The following ANAPC10 variants were observed in gnomAD, a reference collection of about 807,000 sequenced individuals.
ANAPC10 encodes the protein anaphase promoting complex subunit 10.
A neutral mutation model predicts 22.0 loss-of-function variants in ANAPC10; 12 were observed. That is an observed-to-expected ratio of 0.55 (90% CI 0.35 to 0.88). The LOEUF (loss-of-function observed/expected upper bound fraction) is 0.88. Ranked by LOEUF, ANAPC10 falls within the 40% of genes least tolerant of loss-of-function variation. The probability of loss-of-function intolerance (pLI) is 0.01; values close to 1 mark genes in which losing one functional copy is unlikely to be tolerated. For missense variants in ANAPC10, 188 were observed against 220.9 expected (o/e 0.85, Z 0.94); for synonymous variants, 65 against 69.5 (o/e 0.94, Z 0.32).
chr4:145,076,630 A>G (rs1430083604), intron 3 of ANAPC10, among the ~76,000 whole-genome samples: 1 of 152,220 alleles, frequency 6.6e-6, no homozygotes, highest in African/African-American at 2.4e-5. Flanking sequence ...TTTGGAATTC[A>G]GAATTCAGAA....
intron 4 of ANAPC10, among the ~76,000 whole-genome samples, chr4:145,011,285 C>A (rs1734260914): frequency 6.6e-6 from 1 of 150,826 alleles, no homozygotes; most frequent in South Asian, 2.1e-4. Flanking sequence ...TGCAGTAAGC[C>A]AAGATTGCGC....
chr4:145,009,121 C>T (rs886680920), intron 4 of ANAPC10, among the ~76,000 whole-genome samples: 3 of 152,108 alleles, frequency 2.0e-5, no homozygotes, highest in African/African-American at 7.3e-5. Flanking sequence ...AGGAATACAA[C>T]TTACAAGGGA....
At chr4:145,074,420 A>G (rs543450824) in intron 3 of ANAPC10, among the ~76,000 whole-genome samples, 25 of 152,228 alleles carry the variant, frequency 1.6e-4, no homozygotes, top group African/African-American at 5.8e-4. Flanking sequence ...AGTTTTCTGC[A>G]TGGCTGATAG....
At chr4:145,047,598 C>T (rs1185368909) in intron 4 of ANAPC10, among the ~76,000 whole-genome samples, 3 of 152,100 alleles carry the variant, frequency 2.0e-5, no homozygotes, top group African/African-American at 7.2e-5. Context: ...TTCTCAAAGT[C>T]AGGAACACTT....
intron 4 of ANAPC10, among the ~76,000 whole-genome samples, chr4:145,062,602 G>A (rs545384799): frequency 1.1e-4 from 16 of 151,568 alleles, no homozygotes; most frequent in Non-Finnish European, 1.8e-4. Context: ...GTAAGACTCC[G>A]TCTCCAAAGA....
intron 2 of ANAPC10, among the ~76,000 whole-genome samples, chr4:145,091,533 A>T (rs1159550342): frequency 6.6e-6 from 1 of 152,086 alleles, no homozygotes; most frequent in African/African-American, 2.4e-5. Flanking sequence ...AAACGGGGGG[A>T]GGGGGAAATC....
At chr4:145,060,535 A>C (rs569423573) in intron 4 of ANAPC10, among the ~76,000 whole-genome samples, 3 of 152,174 alleles carry the variant, frequency 2.0e-5, no homozygotes, top group African/African-American at 7.2e-5. Context: ...CAACAATTAC[A>C]AAAAATAAGC....
At chr4:145,025,144 C>A (rs1041423714) in intron 4 of ANAPC10, among the ~76,000 whole-genome samples, 1 of 152,190 alleles carries the variant, frequency 6.6e-6, no homozygotes, top group Non-Finnish European at 1.5e-5. Flanking sequence ...GTGGATTAGG[C>A]TTTGACTTAA....
Position 145,025,644 on chromosome 4 carries a change from G to A in ANAPC10, c.328-30041C>T, listed in dbSNP as rs146491466. 7.9e-4 allele frequency among the ~76,000 whole-genome samples: 120 copies of A among 152,218 alleles called. 1 individual carries two copies. The highest frequency in any genetic ancestry group is 2.7e-3 in the African/African-American group (111 of 41,540). ...CAAAGATTATTGATCACAGATGACCGTAACAGGTATAATATTGGTGAAAAA... is the reference window on the plus strand; with the variant it reads ...CAAAGATTATTGATCACAGATGACCATAACAGGTATAATATTGGTGAAAAA... On this transcript the variant is annotated intron_variant, in intron 4 of 4. Coordinates refer to ENST00000507656, the MANE Select transcript of ANAPC10 (RefSeq NM_001256706.2).
At chr4:145,039,305 G>A (rs903825203) in intron 4 of ANAPC10, among the ~76,000 whole-genome samples, 1 of 152,216 alleles carries the variant, frequency 6.6e-6, no homozygotes, top group Non-Finnish European at 1.5e-5. Flanking sequence ...TGTAGGTAAT[G>A]AATAAGATGC....
intron 3 of ANAPC10, among the ~76,000 whole-genome samples, chr4:145,068,600 T>C (rs2126500500): frequency 6.6e-6 from 1 of 152,284 alleles, no homozygotes; most frequent in Admixed American, 6.5e-5. Context: ...TTCTTCCATA[T>C]ATGTTCCTGG....
intron 3 of ANAPC10, among the ~76,000 whole-genome samples, chr4:145,074,760 C>G (rs747500967): frequency 1.9e-4 from 29 of 152,250 alleles, no homozygotes; most frequent in Admixed American, 9.8e-4. Context: ...CAGGTAGCAA[C>G]TATTACTATC....
At chr4:145,026,382 G>A (rs1357667751) in intron 4 of ANAPC10, among the ~76,000 whole-genome samples, 1 of 152,088 alleles carries the variant, frequency 6.6e-6, no homozygotes, top group Non-Finnish European at 1.5e-5. Flanking sequence ...TAATCGATAA[G>A]TGATTACATA....
At chr4:145,042,664 T>C (rs1358167963) in intron 4 of ANAPC10, among the ~76,000 whole-genome samples, 2 of 152,038 alleles carry the variant, frequency 1.3e-5, no homozygotes, top group Non-Finnish European at 2.9e-5. Flanking sequence ...TTGAAAAATA[T>C]AAGAACCAAC....
chr4:145,064,718 A>G, intron 3 of ANAPC10, 26 bp from the exon 4 acceptor site: 1 of 1,489,090 alleles, frequency 6.7e-7, no homozygotes, highest in Non-Finnish European at 9.0e-7. Context: ...TAAAAATAAC[A>G]TGCACTTCAT....
intron 4 of ANAPC10, chr4:145,035,215 G>T (rs561101438): frequency 1.3e-4 from 20 of 152,290 alleles, no homozygotes; most frequent in African/African-American, 4.8e-4. Flanking sequence ...GGCTAGATTG[G>T]TATTAACTTC....
chr4:145,066,621 AAAG>A (rs1743730279), intron 3 of ANAPC10, among the ~76,000 whole-genome samples: 1 of 152,176 alleles, frequency 6.6e-6, no homozygotes, highest in African/African-American at 2.4e-5. Flanking sequence ...TTAGAAAAGC[AAAG>A]AATACTAAAA....
intron 4 of ANAPC10, among the ~76,000 whole-genome samples, chr4:145,038,589 C>T (rs888152472): frequency 5.3e-5 from 8 of 152,114 alleles, no homozygotes; most frequent in East Asian, 3.9e-4. Flanking sequence ...TTTTGGGAGG[C>T]CAAGGCAGGA....
intron 2 of ANAPC10, among the ~76,000 whole-genome samples, chr4:145,086,889 T>G (rs1477877954): frequency 2.0e-5 from 3 of 151,780 alleles, no homozygotes; most frequent in Non-Finnish European, 4.4e-5. Context: ...TCAGTATTCA[T>G]CTATGGTTAT....
Sources: allele counts gnomAD v4.1 joint callset (sites outside exome capture counted in the v4.1 genomes callset), GRCh38; gene constraint gnomAD v4.1.1; transcripts MANE v1.5; gene names NCBI Gene and HGNC (gene_info 2026-07-23, HGNC 2026-07-21).